The following SDCCAG8 variants were observed in gnomAD, a reference collection of about 807,000 sequenced individuals.
SDCCAG8 encodes serologically defined colon cancer antigen 8.
Under a neutral mutation model 101.8 loss-of-function variants are expected in SDCCAG8, and 74 were observed. The ratio of observed to expected loss-of-function variants is 0.73; its 90% CI spans 0.60 to 0.88. The LOEUF (loss-of-function observed/expected upper bound fraction) is 0.88, where lower values mean the gene tolerates loss of function less well. Ranked by LOEUF, SDCCAG8 falls within the 40% of genes least tolerant of loss-of-function variation. The pLI, the probability that SDCCAG8 is intolerant of heterozygous loss-of-function variation, is 0.00. For missense variants in SDCCAG8, 787 were observed against 822.6 expected, an observed-to-expected ratio of 0.96 and a Z score of 0.53; for synonymous variants, 281 against 292.9, an observed-to-expected ratio of 0.96 and a Z score of 0.41.
intron 4 of SDCCAG8, among the ~76,000 whole-genome samples, chr1:243,280,516 G>T (rs2068937598): frequency 1.3e-5 from 2 of 152,010 alleles, no homozygotes; most frequent in South Asian, 2.1e-4. Context: ...AACTTCTAAA[G>T]TAGAAGCTTA....
intron 8 of SDCCAG8, among the ~76,000 whole-genome samples, chr1:243,315,730 TA>T (rs889736838): frequency 5.3e-5 from 8 of 151,648 alleles, no homozygotes; most frequent in Non-Finnish European, 7.4e-5. Context: ...ACTTGCTAAT[TA>T]AAAAAAAATC....
chr1:243,402,153 C>T (rs2079439694), intron 13 of SDCCAG8, among the ~76,000 whole-genome samples: 3 of 152,150 alleles, frequency 2.0e-5, no homozygotes, highest in South Asian at 2.1e-4. Context: ...GGAGGCTGGG[C>T]GCGGTAGCTC....
intron 16 of SDCCAG8, among the ~76,000 whole-genome samples, chr1:243,439,203 G>T (rs2082356968): frequency 6.6e-6 from 1 of 151,602 alleles, no homozygotes; most frequent in South Asian, 2.1e-4. Flanking sequence ...ACCCAGGCTG[G>T]GGTGCAGTTG....
At chr1:243,266,467 A>C (rs993742758) in intron 1 of SDCCAG8, among the ~76,000 whole-genome samples, 2 of 151,720 alleles carry the variant, frequency 1.3e-5, no homozygotes, top group African/African-American at 4.8e-5. Context: ...CAGGCACACA[A>C]CACCACAACC....
intron 16 of SDCCAG8, among the ~76,000 whole-genome samples, chr1:243,426,763 T>C (rs1437590346): frequency 1.3e-5 from 2 of 152,240 alleles, no homozygotes; most frequent in East Asian, 3.8e-4. Context: ...GTACATCCTC[T>C]TTTTGTTATT....
At chr1:243,495,521 C>T (rs1574436791) in intron 17 of SDCCAG8, among the ~76,000 whole-genome samples, 1 of 152,200 alleles carries the variant, frequency 6.6e-6, no homozygotes, top group Non-Finnish European at 1.5e-5. Context: ...TGGCCTTAAC[C>T]GTGAGCCCCC....
intron 16 of SDCCAG8, among the ~76,000 whole-genome samples, chr1:243,459,171 T>C (rs1181975686): frequency 1.3e-5 from 2 of 152,252 alleles, no homozygotes; most frequent in East Asian, 1.9e-4. Context: ...GACATTACTG[T>C]ACTTTACAAT....
At chr1:243,429,850 T>C (rs1410447228) in intron 16 of SDCCAG8, among the ~76,000 whole-genome samples, 2 of 151,806 alleles carry the variant, frequency 1.3e-5, no homozygotes, top group Non-Finnish European at 2.9e-5. Context: ...TACAGGCGCC[T>C]GCCACCACGC....
intron 16 of SDCCAG8, among the ~76,000 whole-genome samples, chr1:243,483,413 C>A (rs1333191042): frequency 1.3e-5 from 2 of 152,294 alleles, no homozygotes; most frequent in African/African-American, 4.8e-5. Flanking sequence ...CGCCCCTGCT[C>A]CCGCCTCCAC....
chr1:243,273,119 T>C (rs952097602), intron 3 of SDCCAG8, among the ~76,000 whole-genome samples: 3 of 152,236 alleles, frequency 2.0e-5, no homozygotes, highest in African/African-American at 7.2e-5. Flanking sequence ...TGATTTCTAC[T>C]CAGGACAGAT....
chr1:243,471,801 T>C (rs113343326), intron 16 of SDCCAG8, among the ~76,000 whole-genome samples: 1 of 152,206 alleles, frequency 6.6e-6, no homozygotes, highest in Non-Finnish European at 1.5e-5. Flanking sequence ...TATTCTAATT[T>C]CATACTAGTG....
intron 4 of SDCCAG8, among the ~76,000 whole-genome samples, chr1:243,286,070 C>G (rs1429289661): frequency 1.3e-5 from 2 of 152,228 alleles, no homozygotes; most frequent in African/African-American, 4.8e-5. Context: ...ATGCCACCAG[C>G]AGGCCCATTA....
intron 15 of SDCCAG8, among the ~76,000 whole-genome samples, chr1:243,423,918 T>C (rs1415371775): frequency 6.6e-6 from 1 of 152,094 alleles, no homozygotes; most frequent in Non-Finnish European, 1.5e-5. Context: ...ATAGGATTAA[T>C]TGAGATCATG....
intron 15 of SDCCAG8, among the ~76,000 whole-genome samples, chr1:243,419,165 G>T (rs1281807440): frequency 6.6e-6 from 1 of 152,046 alleles, no homozygotes; most frequent in African/African-American, 2.4e-5. Context: ...TGCTCACCAG[G>T]AAGGCAGAGG....
chr1:243,475,235 C>G (rs1433438380), intron 16 of SDCCAG8, among the ~76,000 whole-genome samples: 1 of 152,192 alleles, frequency 6.6e-6, no homozygotes, highest in South Asian at 2.1e-4. Context: ...CCAACACAAC[C>G]AAGAGACGGA....
chr1:243,485,766 C>T (rs1053329881), intron 16 of SDCCAG8, among the ~76,000 whole-genome samples: 11 of 151,418 alleles, frequency 7.3e-5, no homozygotes, highest in Admixed American at 2.0e-4. Context: ...TAGCTGGGCA[C>T]GGTGGCAGGA....
Position 243,378,175 on chromosome 1 carries a change from T to A in SDCCAG8, c.1474-546T>A, listed in dbSNP as rs569556436. On this transcript the variant is annotated intron_variant, in intron 12 of 17. Transcript: ENST00000366541. ...CTCTCAATGCTTAAATTTCTCATGC[T>A]TTTTTTTTTCCTGGATTATTTTTTC... Among the ~76,000 whole-genome samples, 7 of 147,886 alleles carry A rather than the reference T, an allele frequency of 4.7e-5. No homozygotes were observed. In the East Asian group the frequency reaches 1.2e-3, roughly 25 times the overall value.
intron 5 of SDCCAG8, among the ~76,000 whole-genome samples, chr1:243,287,210 T>G (rs968035445): frequency 3.3e-5 from 5 of 152,236 alleles, no homozygotes; most frequent in African/African-American, 1.2e-4. Context: ...GTAACTGTTT[T>G]GCTATAAGAT....
chr1:243,376,308 CA>C (rs1391510444), intron 12 of SDCCAG8, among the ~76,000 whole-genome samples: 1 of 152,186 alleles, frequency 6.6e-6, no homozygotes, highest in African/African-American at 2.4e-5. Context: ...AGCTTGTTAT[CA>C]CTCCGATTTT....
Sources: gnomAD v4.1 joint callset for allele counts (sites outside exome capture counted in the v4.1 genomes callset) on GRCh38, gnomAD v4.1.1 for gene constraint, MANE v1.5 for transcripts, NCBI Gene and HGNC (gene_info 2026-07-23, HGNC 2026-07-21) for gene names.